Variants in TRIM49 observed in about 807,000 individuals in gnomAD.
TRIM49 encodes the protein tripartite motif-containing protein 49.
TRIM49 carries 5 observed loss-of-function variants against 27.4 expected under a neutral mutation model. The observed-to-expected ratio is 0.18, with a 90% CI of 0.10 to 0.38. TRIM49 has a LOEUF of 0.38. TRIM49 is among the 10% of genes least tolerant of loss of function. The pLI is 1.00. For missense variants in TRIM49, 188 were observed against 487.5 expected, an observed-to-expected ratio of 0.39 and a Z score of 5.79; for synonymous variants, 69 against 166.0, an observed-to-expected ratio of 0.42 and a Z score of 4.49.
Position 89,803,977 on chromosome 11 carries a change from C to T in TRIM49, c.411+82G>A, listed in dbSNP as rs1439488549. The T allele has an allele frequency of 4.1e-5, 66 of 1,611,438 alleles. 2 individuals carry two copies. Among genetic ancestry groups the T allele is most frequent in the Non-Finnish European group, 4.9e-5 (58 of 1,179,728 alleles). Reference sequence around the variant, plus strand: ...GCTGCTTAAAGGGACTCAGAGTTGGCTTTATCCAATCTCCAAGAAAATAGA... The same window carrying T: ...GCTGCTTAAAGGGACTCAGAGTTGGTTTTATCCAATCTCCAAGAAAATAGA... On this transcript the variant is annotated intron_variant, in intron 3 of 7. Coordinates refer to ENST00000329758, the MANE Select transcript of TRIM49 (RefSeq NM_020358.2).
At chr11:89,776,806 C>T in the TRIM49 span, among the ~76,000 whole-genome samples, 1 of 150,756 alleles carries the variant, frequency 6.6e-6, no homozygotes, top group African/African-American at 2.4e-5. Flanking sequence ...TTTATAAATC[C>T]AGCATGTTTG....
At chr11:89,777,808 G>A in the TRIM49 span, 1,508 of 492,600 alleles carry the variant, frequency 3.1e-3, 6 homozygotes, top group East Asian at 8.6e-3. Context: ...AAATCTGACC[G>A]CTTCACTCTA....
the TRIM49 span, among the ~76,000 whole-genome samples, chr11:89,783,688 A>G: frequency 6.8e-6 from 1 of 145,994 alleles, no homozygotes; most frequent in African/African-American, 2.7e-5. Flanking sequence ...AAAGAACAAA[A>G]TTAGTTTACA....
the TRIM49 span, chr11:89,766,729 G>T: frequency 6.5e-7 from 1 of 1,533,066 alleles, no homozygotes; most frequent in Non-Finnish European, 8.8e-7. Context: ...ACACCAACTC[G>T]GCCCAGAGGT....
the TRIM49 span, chr11:89,786,272 C>T: frequency 2.0e-5 from 3 of 150,462 alleles, no homozygotes; most frequent in African/African-American, 2.9e-5. Context: ...ATGGCTGGAC[C>T]GGCCTTAATG....
chr11:89,802,752 A>G (rs940329293), intron 4 of TRIM49, among the ~76,000 whole-genome samples: 1 of 150,722 alleles, frequency 6.6e-6, no homozygotes, highest in African/African-American at 2.5e-5. Context: ...TGACCACCCT[A>G]TTTAAAACTC....
At chr11:89,779,732 A>C in the TRIM49 span, among the ~76,000 whole-genome samples, 1 of 116,936 alleles carries the variant, frequency 8.6e-6, no homozygotes, top group African/African-American at 3.1e-5. Flanking sequence ...CGGCAAGGTG[A>C]GTTTACACTA....
chr11:89,804,936 G>T (rs938087781), intron 2 of TRIM49, among the ~76,000 whole-genome samples: 4 of 150,700 alleles, frequency 2.7e-5, no homozygotes, highest in African/African-American at 9.9e-5. Context: ...TTTATAGAGA[G>T]TCACAAAAGC....
downstream of TRIM49, among the ~76,000 whole-genome samples, chr11:89,792,658 G>A (rs1246534843): frequency 5.3e-5 from 8 of 152,094 alleles, no homozygotes; most frequent in East Asian, 1.9e-4. Flanking sequence ...GGTACATAAC[G>A]AAATGAAGGC....
chr11:89,802,916 T>C (rs1949750519), intron 4 of TRIM49, among the ~76,000 whole-genome samples: 4 of 149,850 alleles, frequency 2.7e-5, no homozygotes, highest in Admixed American at 2.7e-4. Flanking sequence ...GTATGATTTG[T>C]GAGGACAAAG....
At chr11:89,787,235 G>T in the TRIM49 span, 3 of 218,112 alleles carry the variant, frequency 1.4e-5, no homozygotes, top group Admixed American at 1.7e-4. Flanking sequence ...AGAGGACCGG[G>T]GCGCCCTGGA....
At chr11:89,785,592 C>A in the TRIM49 span, among the ~76,000 whole-genome samples, 1 of 144,092 alleles carries the variant, frequency 6.9e-6, no homozygotes, top group Admixed American at 6.7e-5. Context: ...ATTAATTAGA[C>A]TTTATTATGT....
intron 3 of TRIM49, 46 bp from the exon 4 acceptor site, chr11:89,803,839 A>C (rs1478250047): frequency 1.1e-5 from 10 of 930,660 alleles, no homozygotes; most frequent in African/African-American, 1.7e-5. Context: ...ACCATGACAT[A>C]GGGAGGGGGC....
In TRIM49 at chr11:89,804,085, T is replaced by C. The variant is rs776472656; in HGVS notation, c.385A>G (p.Ile129Val). Residue 129 changes from isoleucine to valine, a missense_variant, in exon 3 of 8, where the codon ATT becomes GTT. Ile to Val is a conservative substitution (Grantham distance 29). Around this residue, in one of 6 missense-constraint regions of TRIM49, gnomAD observed 21 missense variants for 71.4 expected, o/e 0.29. Transcript: ENST00000329758. ...QEHRYHRHRP[I>V]EWAAEEHREK... ...CGGTGTTCCTCAGCAGCCCACTCAA[T>C]GGGACGGTGTCTGTGATACCGGTGC... 3.4e-5 allele frequency: 55 copies of C among 1,608,088 alleles called. 1 individual carries two copies. In the Middle Eastern group the frequency reaches 6.8e-4, roughly 20 times the overall value.
chr11:89,768,385 T>C, the TRIM49 span: 2 of 825,554 alleles, frequency 2.4e-6, no homozygotes, highest in Non-Finnish European at 3.8e-6. Context: ...TCTGATATTG[T>C]AATGTACCTC....
chr11:89,772,569 T>G, the TRIM49 span, among the ~76,000 whole-genome samples: 4 of 129,984 alleles, frequency 3.1e-5, 1 homozygote, highest in East Asian at 8.9e-4. Flanking sequence ...ATATTTTATA[T>G]CATTTCCCAG....
chr11:89,796,498 A>G (rs1949690320), downstream of TRIM49, among the ~76,000 whole-genome samples: 1 of 137,574 alleles, frequency 7.3e-6, no homozygotes, highest in Non-Finnish European at 1.5e-5. Flanking sequence ...GGTCTCCCCA[A>G]GTGGTGGGAT....
chr11:89,777,708 T>C, the TRIM49 span, among the ~76,000 whole-genome samples: 1 of 150,842 alleles, frequency 6.6e-6, no homozygotes, highest in East Asian at 2.0e-4. Context: ...AAATTGATGA[T>C]ATTATCTGAA....
chr11:89,792,890 C>A (rs1455870647), downstream of TRIM49, among the ~76,000 whole-genome samples: 3 of 151,972 alleles, frequency 2.0e-5, no homozygotes, highest in African/African-American at 2.4e-5. Flanking sequence ...GAAATAACTA[C>A]GATCAGAGCA....
Sources: gnomAD v4.1 joint callset for allele counts (sites outside exome capture counted in the v4.1 genomes callset) on GRCh38, gnomAD v4.1.1 for gene constraint, gnomAD v4.1.1 regional missense constraint, MANE v1.5 for transcripts, NCBI Gene and HGNC (gene_info 2026-07-23, HGNC 2026-07-21) for gene names.